The following IFT57 variants were observed in gnomAD, a reference collection of about 807,000 sequenced individuals.
The protein encoded by IFT57 is intraflagellar transport 57, also known as intraflagellar transport protein 57 homolog.
A neutral mutation model predicts 56.8 loss-of-function variants in IFT57; 59 were observed. The observed-to-expected ratio is 1.04, with a 90% CI of 0.84 to 1.29. IFT57 has a LOEUF of 1.29. IFT57 is among the 50% of genes most tolerant of loss of function. The pLI is 0.00. For synonymous variants in IFT57, 209 were observed against 186.1 expected (o/e 1.12, Z -1.00); for missense variants, 470 against 522.1 (o/e 0.90, Z 0.97).
chr3:108,216,261 T>C (rs1576051670), intron 3 of IFT57, among the ~76,000 whole-genome samples: 1 of 152,132 alleles, frequency 6.6e-6, no homozygotes, highest in East Asian at 1.9e-4. Context: ...TTCAAGCAAC[T>C]CAATAGCAAA....
intron 6 of IFT57, among the ~76,000 whole-genome samples, chr3:108,172,619 G>C (rs1212236525): frequency 6.6e-6 from 1 of 151,810 alleles, no homozygotes; most frequent in Non-Finnish European, 1.5e-5. Flanking sequence ...TGTGAGAATA[G>C]AAAGGAAGGG....
chr3:108,174,630 A>G (rs372750800), intron 6 of IFT57, among the ~76,000 whole-genome samples: 1 of 151,808 alleles, frequency 6.6e-6, no homozygotes, highest in Admixed American at 6.6e-5. Context: ...TTCCTGCTTC[A>G]TTGATGCTGA....
At chr3:108,213,521 TC>T (rs1200306105) in intron 4 of IFT57, among the ~76,000 whole-genome samples, 1 of 152,210 alleles carries the variant, frequency 6.6e-6, no homozygotes, top group African/African-American at 2.4e-5. Context: ...AAATTCCTAC[TC>T]ATCCTAATTG....
chr3:108,197,277 A>G (rs373624453), intron 5 of IFT57, among the ~76,000 whole-genome samples: 8 of 152,310 alleles, frequency 5.3e-5, no homozygotes, highest in African/African-American at 1.4e-4. Flanking sequence ...TGGTGTGGAA[A>G]GCTAAAAGGA....
chr3:108,165,907 C>T (rs958451508), intron 8 of IFT57, among the ~76,000 whole-genome samples: 4 of 151,850 alleles, frequency 2.6e-5, no homozygotes, highest in Admixed American at 1.3e-4. Flanking sequence ...ATTAACATCC[C>T]GTAAGACAGT....
chr3:108,172,218 C>T (rs17829242), intron 6 of IFT57, among the ~76,000 whole-genome samples: 14,628 of 151,630 alleles, frequency 0.096, 771 homozygotes, highest in Middle Eastern at 0.12. Flanking sequence ...CAAAGATGTG[C>T]GGAGGAAGCA....
chr3:108,221,204 A>G (rs2107225027), intron 1 of IFT57, among the ~76,000 whole-genome samples: 1 of 152,358 alleles, frequency 6.6e-6, no homozygotes, highest in East Asian at 1.9e-4. Flanking sequence ...TAAAACTATC[A>G]AGGGAAATTA....
chr3:108,222,342 A>T lies in IFT57; in HGVS notation c.-20T>A. The stretch of plus-strand genomic sequence containing the variant: ...AGTCATCGCAGAACGGACAGAGTCC[A>T]GCGTGGGCTCAGGCCCACAGACCTC... On this transcript the variant is annotated 5_prime_UTR_variant, in exon 1 of 11. Transcript: ENST00000264538. 6.3e-7 allele frequency: 1 copy of T among 1,591,932 alleles called. No individual in the cohort carries two copies. Among genetic ancestry groups the T allele is most frequent in the Non-Finnish European group, 8.6e-7 (1 of 1,168,400 alleles).
In IFT57 at chr3:108,206,654, C is replaced by G. The variant is rs553037390; in HGVS notation, c.628G>C (p.Val210Leu). 7.2e-7 allele frequency: 1 copy of G among 1,398,132 alleles called. No homozygotes were observed. Among genetic ancestry groups the G allele is most frequent in the Non-Finnish European group, 9.5e-7 (1 of 1,052,388 alleles). The allele number at this position is 1,398,132 out of a possible 1,614,324, so 86.6% of individuals were successfully genotyped here. A position where few individuals can be genotyped will look rare whatever the true frequency, so the allele number is the denominator to read the frequency against. ...AAGTGATATGTCTGGGCCTTTAAAA[C>G]GTTGAGATCAATAAAGTTTTCTTCA... is the stretch of plus-strand genomic sequence containing the variant. The part of the protein sequence containing the change: ...DNEENFIDLN[V>L]LKAQTYHLDM... Residue 210 changes from valine to leucine, a missense_variant, in exon 5 of 11, where the codon GTT becomes CTT. Val to Leu is a conservative substitution (Grantham distance 32, BLOSUM62 1). Coordinates refer to ENST00000264538, the MANE Select transcript of IFT57 (RefSeq NM_018010.4).
At chr3:108,211,071 A>G (rs549829968) in intron 4 of IFT57, among the ~76,000 whole-genome samples, 6 of 152,218 alleles carry the variant, frequency 3.9e-5, no homozygotes, top group Non-Finnish European at 5.9e-5. Context: ...TTTAATGAGT[A>G]TGTACTATGC....
chr3:108,198,802 T>C (rs1228466198), intron 5 of IFT57, among the ~76,000 whole-genome samples: 1 of 152,172 alleles, frequency 6.6e-6, no homozygotes, highest in Non-Finnish European at 1.5e-5. Context: ...TGGAGTTAAT[T>C]TGGGTGTAAT....
chr3:108,191,480 C>CTTTTT, intron 6 of IFT57, 41 bp downstream of exon 6: 5 of 1,189,072 alleles, frequency 4.2e-6, no homozygotes, highest in Non-Finnish European at 5.7e-6. Context: ...TTCCTTATAA[C>CTTTTT]TTTTTTTTTT....
At chr3:108,202,468 A>T (rs1430127008) in intron 5 of IFT57, among the ~76,000 whole-genome samples, 1 of 152,238 alleles carries the variant, frequency 6.6e-6, no homozygotes, top group Non-Finnish European at 1.5e-5. Flanking sequence ...CCCAACTGTC[A>T]GAACTTTAAT....
intron 5 of IFT57, among the ~76,000 whole-genome samples, chr3:108,201,856 TCTAAA>T (rs776469813): frequency 1.7e-4 from 26 of 152,234 alleles, no homozygotes; most frequent in Non-Finnish European, 2.1e-4. Context: ...TAGATGAAAC[TCTAAA>T]CTAAATCTGA....
chr3:108,214,477 G>A (rs769548715), intron 3 of IFT57, among the ~76,000 whole-genome samples: 35 of 152,088 alleles, frequency 2.3e-4, no homozygotes, highest in South Asian at 4.1e-4. Flanking sequence ...TTGTTCAAGT[G>A]AAATGGCAGG....
chr3:108,202,281 C>T (rs982438775), intron 5 of IFT57, among the ~76,000 whole-genome samples: 14 of 152,204 alleles, frequency 9.2e-5, no homozygotes, highest in African/African-American at 1.9e-4. Flanking sequence ...AAAGACTACT[C>T]ATAATTACGG....
chr3:108,180,043 A>G (rs2080143892), intron 6 of IFT57, among the ~76,000 whole-genome samples: 1 of 152,028 alleles, frequency 6.6e-6, no homozygotes, highest in Non-Finnish European at 1.5e-5. Flanking sequence ...AGAGAAAAAT[A>G]AAACACTGTA....
intron 8 of IFT57, among the ~76,000 whole-genome samples, chr3:108,165,801 C>T (rs1269138014): frequency 6.6e-6 from 1 of 151,982 alleles, no homozygotes; most frequent in Admixed American, 6.6e-5. Flanking sequence ...AGGAGAGGGG[C>T]TCTTGGTCAA....
rs1180468181 is a variant in IFT57 at position 108,194,950 on chromosome 3, A to G, written c.655-3307T>C. Among the ~76,000 whole-genome samples, 4 of 152,320 alleles carry G rather than the reference A, an allele frequency of 2.6e-5. No individual in the cohort carries two copies. In the Middle Eastern group the frequency reaches 0.01, roughly 389 times the overall value. ...TAAGACCTCAAAAGCACAGATAGAC[A>G]AAGCAAAAATGGACAAATGGGATCA... is the stretch of plus-strand genomic sequence containing the variant. On this transcript the variant is annotated intron_variant, in intron 5 of 10. Coordinates refer to ENST00000264538, the MANE Select transcript of IFT57 (RefSeq NM_018010.4).
Sources: gnomAD v4.1 joint callset for allele counts (sites outside exome capture counted in the v4.1 genomes callset) on GRCh38, gnomAD v4.1.1 for gene constraint, MANE v1.5 for transcripts, NCBI Gene and HGNC (gene_info 2026-07-23, HGNC 2026-07-21) for gene names.